Variants in PC observed in about 807,000 individuals in gnomAD.
PC encodes pyruvate carboxylase, mitochondrial.
Under a neutral mutation model 107.8 loss-of-function variants are expected in PC, and 46 were observed. That is an observed-to-expected ratio of 0.43 (90% CI 0.34 to 0.55). The LOEUF (loss-of-function observed/expected upper bound fraction) is 0.55. Ranked by LOEUF, PC falls within the 20% of genes least tolerant of loss-of-function variation. The pLI is 0.04. For missense variants in PC, 1,241 were observed against 1,643.1 expected, an observed-to-expected ratio of 0.76 and a Z score of 4.23; for synonymous variants, 662 against 684.7, an observed-to-expected ratio of 0.97 and a Z score of 0.52.
Position 66,858,217 on chromosome 11 carries a change from G to T in PC, c.1369-4834C>A, listed in dbSNP as rs541535711. On this transcript the variant is annotated intron_variant, in intron 12 of 22. Transcript: ENST00000393960. The surrounding 1 kb of genome is among the most constrained non-coding windows in gnomAD (Gnocchi z 5.9). ...CTGGACCTGTCCTACAACAACCTCC[G>T]GCAGGTGCCCTGGGCCGGCATCGGC... The T allele has an allele frequency of 6.2e-7, 1 of 1,612,446 alleles. No individual in the cohort carries two copies. The highest frequency in any genetic ancestry group is 8.5e-7 in the Non-Finnish European group (1 of 1,179,898).
chr11:66,895,471 A>G (rs538100355), intron 3 of PC, among the ~76,000 whole-genome samples: 1 of 152,350 alleles, frequency 6.6e-6, no homozygotes, highest in African/African-American at 2.4e-5. Context: ...GAAACCAACT[A>G]TGCAGGGAGA....
intron 21 of PC, 100 bp downstream of exon 21, chr11:66,849,511 G>A (rs1457021622): frequency 6.8e-6 from 11 of 1,607,750 alleles, no homozygotes; most frequent in South Asian, 3.3e-5. Flanking sequence ...GGTCCTTTCT[G>A]CTCCCAAAGC....
chr11:66,910,428 G>GAAGCCACAC (rs1948302536), intron 3 of PC, among the ~76,000 whole-genome samples: 1 of 152,170 alleles, frequency 6.6e-6, no homozygotes, highest in Non-Finnish European at 1.5e-5. Flanking sequence ...CACATACATT[G>GAAGCCACAC]ATGTCGTATG....
chr11:66,905,275 C>T (rs1350293777), intron 3 of PC, among the ~76,000 whole-genome samples: 1 of 152,228 alleles, frequency 6.6e-6, no homozygotes, highest in Non-Finnish European at 1.5e-5. Flanking sequence ...TAAGTGAAGG[C>T]TCACAGAGGA....
intron 3 of PC, among the ~76,000 whole-genome samples, chr11:66,948,020 T>G (rs1486566637): frequency 9.1e-6 from 1 of 110,080 alleles, no homozygotes; most frequent in Admixed American, 8.6e-5. Context: ...TAAAGATAGA[T>G]AGATAGATAG....
Position 66,849,977 on chromosome 11 carries a change from C to A in PC, c.2858G>T (p.Gly953Val), listed in dbSNP as rs1275857617. ...TTCGGGGAACCCCCCATGGGGGACA[C>A]CGATGTAGCCCTGCAGGAACTCCAC... ...SVVEFLQGYI[G>V]VPHGGFPEPF... is the part of the protein sequence containing the mutation. Residue 953 changes from glycine to valine, a missense_variant, in exon 20 of 23, where the codon GGT (glycine) becomes GTT (valine). Physicochemically the swap from Gly to Val is moderately radical, Grantham distance 109. Around this residue, in one of 2 missense-constraint regions of PC, gnomAD observed 1,143 missense variants for 1,551.9 expected, o/e 0.74. Transcript: ENST00000393960. 6.2e-7 allele frequency: 1 copy of A among 1,613,642 alleles called. No individual in the cohort carries two copies. The highest frequency in any genetic ancestry group is 8.5e-7 in the Non-Finnish European group (1 of 1,180,032).
intron 3 of PC, among the ~76,000 whole-genome samples, chr11:66,874,755 G>T (rs547905356): frequency 1.3e-5 from 2 of 152,224 alleles, no homozygotes; most frequent in African/African-American, 2.4e-5. Flanking sequence ...GCAAAGAAAA[G>T]AAAAACAAGA....
chr11:66,902,152 C>T (rs1341175815), intron 3 of PC, among the ~76,000 whole-genome samples: 2 of 152,204 alleles, frequency 1.3e-5, no homozygotes, highest in African/African-American at 4.8e-5. Context: ...ATGGCCTTGA[C>T]TGTGTTTGCT....
At chr11:66,849,589 G>T (rs1392752407) in intron 21 of PC, 22 bp downstream of exon 21, 2 of 1,614,018 alleles carry the variant, frequency 1.2e-6, no homozygotes, top group South Asian at 2.2e-5. Flanking sequence ...GTGGAGTGTG[G>T]AGAAGCGCCA....
Position 66,850,102 on chromosome 11 carries a change from G to A in PC, c.2733C>T (p.Ser911=). ...LGDLIKVTPS[S]KIVGDLAQFM... ...ACTGGGCCAGGTCCCCCACGATCTT[G>A]GAGGAGGGCGTCACCTGAGGAGAAG... is the stretch of plus-strand genomic sequence containing the variant. The change falls in exon 20 of 23, where the codon TCC becomes TCT. Residue 911 remains serine, a synonymous_variant. Transcript: ENST00000393960. The A allele has an allele frequency of 6.2e-7, 1 of 1,613,750 alleles. No individual in the cohort carries two copies. Among genetic ancestry groups the A allele is most frequent in the Non-Finnish European group, 8.5e-7 (1 of 1,180,042 alleles).
chr11:66,851,393 C>T (rs1355935931), intron 16 of PC, 113 bp from the exon 17 acceptor site: 18 of 1,487,854 alleles, frequency 1.2e-5, no homozygotes, highest in Non-Finnish European at 1.6e-5. Flanking sequence ...ATCTGAGGGT[C>T]TCGCCTGGCA....
At chr11:66,851,016 G>C (rs1390935999) in intron 17 of PC, 24 bp downstream of exon 17, 2 of 1,611,572 alleles carry the variant, frequency 1.2e-6, no homozygotes, top group East Asian at 4.5e-5. Flanking sequence ...CAGAGAGGGA[G>C]GGACGGACAA....
rs1447550608 is a variant in PC, at chr11:66,849,957, G to C, written c.2878C>G (p.Pro960Ala). 4 of 1,613,560 alleles carry C rather than the reference G, an allele frequency of 2.5e-6. No homozygotes were observed. In the Admixed American group the frequency reaches 6.7e-5, roughly 27 times the overall value. ...CCTACCTTAGAGCGAAAGGGTTCGGGGAACCCCCCATGGGGGACACCGATG... is the reference window on the plus strand; with the variant it reads ...CCTACCTTAGAGCGAAAGGGTTCGGCGAACCCCCCATGGGGGACACCGATG... ...GYIGVPHGGF[P>A]EPFRSKVLKD... The change falls in exon 20 of 23, where the codon CCC becomes GCC. Residue 960 changes from proline (P) to alanine (A), a missense_variant. Physicochemically the swap from Pro to Ala is conservative, Grantham distance 27. Coordinates refer to ENST00000393960, the MANE Select transcript of PC (RefSeq NM_001040716.2).
intron 3 of PC, among the ~76,000 whole-genome samples, chr11:66,884,311 C>A (rs934977853): frequency 1.3e-5 from 2 of 151,728 alleles, no homozygotes; most frequent in Admixed American, 1.3e-4. Flanking sequence ...GCTTGGAAGC[C>A]TGAGGCAGAA....
chr11:66,916,126 T>C (rs892026190), intron 3 of PC, among the ~76,000 whole-genome samples: 1 of 152,220 alleles, frequency 6.6e-6, no homozygotes, highest in Non-Finnish European at 1.5e-5. Flanking sequence ...GCCACGTCTG[T>C]TCCCCAGCTC....
At chr11:66,941,077 CTAAAAAAA>C (rs1949117356) in intron 3 of PC, among the ~76,000 whole-genome samples, 1 of 62,940 alleles carries the variant, frequency 1.6e-5, no homozygotes, top group African/African-American at 7.2e-5. Context: ...AAGACTCCAT[CTAAAAAAA>C]AAAAAAAAAA....
At chr11:66,874,640 C>T (rs888409929) in intron 3 of PC, among the ~76,000 whole-genome samples, 1 of 152,128 alleles carries the variant, frequency 6.6e-6, no homozygotes, top group Non-Finnish European at 1.5e-5. Flanking sequence ...AAACAGAAAA[C>T]CCCACTAGGG....
chr11:66,901,118 T>C (rs1947941406), intron 3 of PC, among the ~76,000 whole-genome samples: 1 of 152,150 alleles, frequency 6.6e-6, no homozygotes, highest in Non-Finnish European at 1.5e-5. Context: ...TTTCCACACC[T>C]GCTGAGTGGA....
At chr11:66,947,599 G>A (rs1431752095) in intron 3 of PC, among the ~76,000 whole-genome samples, 1 of 151,370 alleles carries the variant, frequency 6.6e-6, no homozygotes, top group African/African-American at 2.4e-5. Flanking sequence ...AGTGGCTCAT[G>A]CCTGTAACCC....
Sources: allele counts gnomAD v4.1 joint callset (sites outside exome capture counted in the v4.1 genomes callset), GRCh38; gene constraint gnomAD v4.1.1; regional missense constraint gnomAD v4.1.1; non-coding constraint Gnocchi (gnomAD v3.1); transcripts MANE v1.5; gene names NCBI Gene and HGNC (gene_info 2026-07-23, HGNC 2026-07-21).